Variants in CYFIP1 observed in about 807,000 individuals in gnomAD.
CYFIP1 encodes the protein cytoplasmic FMR1-interacting protein 1.
CYFIP1 carries 58 observed loss-of-function variants against 163.5 expected under a neutral mutation model. That is an observed-to-expected ratio of 0.35 (90% CI 0.29 to 0.44). The LOEUF is 0.44. Among genes scored for constraint, CYFIP1 ranks in the 20% least tolerant of loss-of-function variants. The pLI is 1.00. For missense variants in CYFIP1, 1,338 were observed against 1,653.8 expected, an observed-to-expected ratio of 0.81 and a Z score of 3.31; for synonymous variants, 663 against 660.7, an observed-to-expected ratio of 1.00 and a Z score of -0.05.
chr15:22,915,277 C>T (rs140795910), intron 16 of CYFIP1, among the ~76,000 whole-genome samples: 65 of 152,138 alleles, frequency 4.3e-4, no homozygotes, highest in African/African-American at 1.5e-3. Context: ...AACACAGGCA[C>T]GTGCCACCAA....
At chr15:22,955,660 C>G (rs1465458722) in intron 1 of CYFIP1, among the ~76,000 whole-genome samples, 1 of 152,170 alleles carries the variant, frequency 6.6e-6, no homozygotes, top group East Asian at 1.9e-4. Flanking sequence ...AACTAGAAAA[C>G]GGGCAGATCC....
At chr15:22,901,655 A>G (rs2060397163) in intron 22 of CYFIP1, among the ~76,000 whole-genome samples, 2 of 152,234 alleles carry the variant, frequency 1.3e-5, no homozygotes, top group Admixed American at 1.3e-4. Context: ...GTCACCTCCT[A>G]GAGCCACCAC....
chr15:22,961,481 T>A (rs1340013743), intron 1 of CYFIP1, among the ~76,000 whole-genome samples: 1 of 152,148 alleles, frequency 6.6e-6, no homozygotes, highest in Non-Finnish European at 1.5e-5. Context: ...CAGGCTCAAG[T>A]GATCCTCCCA....
intron 18 of CYFIP1, among the ~76,000 whole-genome samples, chr15:22,911,037 G>A (rs1020736895): frequency 6.6e-6 from 1 of 152,046 alleles, no homozygotes; most frequent in African/African-American, 2.4e-5. Flanking sequence ...GAGTAGCTGG[G>A]ATTATAGGTG....
chr15:22,944,839 G>T, intron 4 of CYFIP1, 23 bp downstream of exon 4: 1 of 1,610,284 alleles, frequency 6.2e-7, no homozygotes, highest in Admixed American at 1.7e-5. Context: ...GGCTGGAGGG[G>T]AAGAGCCAGG....
chr15:22,888,939 G>A (rs2059994961), intron 23 of CYFIP1, among the ~76,000 whole-genome samples: 1 of 151,850 alleles, frequency 6.6e-6, no homozygotes, highest in African/African-American at 2.4e-5. Flanking sequence ...TACTCGGGAG[G>A]CTGAGGCACA....
chr15:22,879,817 C>T (rs1284478953), intron 26 of CYFIP1, 96 bp downstream of exon 26: 1 of 890,190 alleles, frequency 1.1e-6, no homozygotes, highest in Non-Finnish European at 1.7e-6. Flanking sequence ...TGCCACACCC[C>T]CACTAAAGAA....
At chr15:22,884,711 C>G (rs916497341) in intron 23 of CYFIP1, among the ~76,000 whole-genome samples, 1 of 152,162 alleles carries the variant, frequency 6.6e-6, no homozygotes, top group Non-Finnish European at 1.5e-5. Context: ...GGGGCTCCAA[C>G]CCCCCATTTC....
intron 3 of CYFIP1, among the ~76,000 whole-genome samples, chr15:22,946,369 G>T (rs1295421847): frequency 1.3e-5 from 2 of 151,902 alleles, no homozygotes; most frequent in Admixed American, 6.6e-5. Flanking sequence ...AGCTAGGTGT[G>T]GTGGCTCATG....
At chr15:22,979,091 C>G (rs977027470) in intron 1 of CYFIP1, among the ~76,000 whole-genome samples, 1 of 152,206 alleles carries the variant, frequency 6.6e-6, no homozygotes, top group Non-Finnish European at 1.5e-5. Context: ...TCCTCCGCCA[C>G]GACTCCAGGG....
intron 1 of CYFIP1, among the ~76,000 whole-genome samples, chr15:22,972,649 C>T (rs1334570342): frequency 6.6e-6 from 1 of 152,130 alleles, no homozygotes; most frequent in African/African-American, 2.4e-5. Flanking sequence ...AAACTAGATA[C>T]ACACATACAG....
intron 1 of CYFIP1, among the ~76,000 whole-genome samples, chr15:22,963,352 TG>T (rs1182615916): frequency 6.6e-6 from 1 of 151,870 alleles, no homozygotes; most frequent in Non-Finnish European, 1.5e-5. Context: ...TAGATGGGCG[TG>T]GTGGCAGATG....
rs751427999 is a variant in CYFIP1, at chr15:22,916,813, A to C, written c.1675-183T>G. The C allele has an allele frequency of 1.2e-5, 19 of 1,565,578 alleles. 1 individual carries two copies. Among genetic ancestry groups the C allele is most frequent in the Non-Finnish European group, 1.5e-5 (17 of 1,153,932 alleles). On this transcript the variant is annotated intron_variant, in intron 15 of 30. Transcript: ENST00000617928. Reference sequence around the variant, plus strand: ...GGCCACGTTGCTGCTGCTTTGGGGAAAGAACAACTTGTAGCGGAGCAGTTC... The same window carrying C: ...GGCCACGTTGCTGCTGCTTTGGGGACAGAACAACTTGTAGCGGAGCAGTTC...
At position 22,918,862 on chromosome 15, in the gene CYFIP1, C is replaced by T. The variant is rs771473996; in HGVS notation, c.1360-4G>A. Reference sequence around the variant, plus strand: ...GGCCTTTGATCATGGCGATCACCTGCGGGGGACACAGCAACAGGGACGGCC... The same window carrying T: ...GGCCTTTGATCATGGCGATCACCTGTGGGGGACACAGCAACAGGGACGGCC... On this transcript the variant is annotated splice_region_variant and splice_polypyrimidine_tract_variant and intron_variant, in intron 13 of 30. Coordinates refer to ENST00000617928, the MANE Select transcript of CYFIP1 (RefSeq NM_014608.6). 1.0e-5 allele frequency: 16 copies of T among 1,592,952 alleles called. No homozygotes were observed. The South Asian group carries it at 1.0e-4, about 10-fold the overall frequency.
chr15:22,936,529 G>A (rs1431287030), intron 9 of CYFIP1, among the ~76,000 whole-genome samples: 1 of 152,156 alleles, frequency 6.6e-6, no homozygotes, highest in Non-Finnish European at 1.5e-5. Context: ...CACCAGCGGC[G>A]CATTCTCTCA....
chr15:22,911,026 T>C (rs1378321557), intron 18 of CYFIP1, among the ~76,000 whole-genome samples: 1 of 151,560 alleles, frequency 6.6e-6, no homozygotes, highest in African/African-American at 2.4e-5. Context: ...CTCAGCCTCC[T>C]GAGTAGCTGG....
chr15:22,949,254 G>A (rs1312062882), intron 1 of CYFIP1, among the ~76,000 whole-genome samples: 1 of 151,282 alleles, frequency 6.6e-6, no homozygotes, highest in Non-Finnish European at 1.5e-5. Flanking sequence ...CGGAGGGCGG[G>A]CACAATGTGC....
At chr15:22,871,763 C>T (rs1233641396) in intron 30 of CYFIP1, among the ~76,000 whole-genome samples, 1 of 152,142 alleles carries the variant, frequency 6.6e-6, no homozygotes, top group African/African-American at 2.4e-5. Context: ...ACTTGGAAAG[C>T]ATGAGAAGGA....
chr15:22,939,791 A>ACTGGTCT (rs1178537837), intron 6 of CYFIP1, among the ~76,000 whole-genome samples: 1 of 152,038 alleles, frequency 6.6e-6, no homozygotes, highest in African/African-American at 2.4e-5. Context: ...GTCCCTGCAC[A>ACTGGTCT]CTGGTCTCTG....
Sources: gnomAD v4.1 joint callset for allele counts (sites outside exome capture counted in the v4.1 genomes callset) on GRCh38, gnomAD v4.1.1 for gene constraint, MANE v1.5 for transcripts, NCBI Gene and HGNC (gene_info 2026-07-23, HGNC 2026-07-21) for gene names.